The following MYO1G variants were observed in gnomAD, a reference collection of about 807,000 sequenced individuals.
MYO1G encodes the protein unconventional myosin-Ig.
Under a neutral mutation model 115.3 loss-of-function variants are expected in MYO1G, and 65 were observed. The observed-to-expected ratio is 0.56, with a 90% CI of 0.46 to 0.69. The LOEUF (loss-of-function observed/expected upper bound fraction) is 0.69. Ranked by LOEUF, MYO1G falls within the 30% of genes least tolerant of loss-of-function variation. MYO1G has a pLI of 0.00. For missense variants in MYO1G, 1,204 were observed against 1,393.5 expected (o/e 0.86, Z 2.16); for synonymous variants, 510 against 552.6 (o/e 0.92, Z 1.08).
At chr7:44,972,436 C>G in intron 5 of MYO1G, 1 of 545,670 alleles carries the variant, frequency 1.8e-6, no homozygotes, top group Non-Finnish European at 3.3e-6. Flanking sequence ...TCAGTGGGAG[C>G]TATGACTCCA....
At position 44,966,290 on chromosome 7, in the gene MYO1G, C is replaced by G. The variant is rs1333681994; in HGVS notation, c.1950-10G>C. 3.1e-6 allele frequency: 5 copies of G among 1,588,346 alleles called. No homozygotes were observed. In the African/African-American group the frequency reaches 4.0e-5, roughly 13 times the overall value. On this transcript the variant is annotated splice_polypyrimidine_tract_variant and intron_variant, in intron 15 of 21. Transcript: ENST00000258787. This position sits in a 1 kb window ranked among gnomAD's most constrained non-coding sequence, Gnocchi z 5.0. ...ACAGGTCATCTTGTACCTGTCACCA[C>G]AGGACAGGGCAGTGTGGCCCAGGCC... is the stretch of plus-strand genomic sequence containing the variant.
Position 44,966,900 on chromosome 7 carries a change from C to T in MYO1G, c.1783-62G>A. 1 of 1,493,988 alleles carries T rather than the reference C, an allele frequency of 6.7e-7. No individual in the cohort carries two copies. The highest frequency in any genetic ancestry group is 1.3e-5 in the South Asian group (1 of 76,298). The allele number at this position is 1,493,988 out of a possible 1,614,324, so 92.5% of individuals were successfully genotyped here. ...CAGCAGCACTGTGCACCCTGCCCCA[C>T]ACCAGGGGCTTCCTAACCCCTCAAG... On this transcript the variant is annotated intron_variant, in intron 14 of 21. Coordinates refer to ENST00000258787, the MANE Select transcript of MYO1G (RefSeq NM_033054.3). The surrounding 1 kb of genome is among the most constrained non-coding windows in gnomAD (Gnocchi z 5.0).
Position 44,975,471 on chromosome 7 carries a change from C to T in MYO1G, c.564+13G>A. On this transcript the variant is annotated intron_variant, in intron 4 of 21. Coordinates refer to ENST00000258787, the MANE Select transcript of MYO1G (RefSeq NM_033054.3). ...GGGCTCCCCATGGAGGTCTCCTCAG[C>T]CCACCTGCCCACCTTCTCCAGTAGG... The T allele has an allele frequency of 1.9e-6, 3 of 1,600,308 alleles. No individual in the cohort carries two copies. The highest frequency in any genetic ancestry group is 1.1e-5 in the South Asian group (1 of 89,030).
In MYO1G at chr7:44,969,857, C is replaced by T. The variant is rs1042764007; in HGVS notation, c.1351G>A (p.Ala451Thr). 21 of 1,608,790 alleles carry T rather than the reference C, an allele frequency of 1.3e-5. No individual in the cohort carries two copies. The highest frequency in any genetic ancestry group is 5.0e-5 in the Admixed American group (3 of 59,626). ...TWQSVEYFNNATIVDLVERPH... is the reference protein window; with the variant it reads ...TWQSVEYFNNTTIVDLVERPH... Reference sequence around the variant, plus strand: ...CGCTCCACCAGATCCACAATGGTGGCGTTGTTGAAATACTCAACCTGGGGC... The same window carrying T: ...CGCTCCACCAGATCCACAATGGTGGTGTTGTTGAAATACTCAACCTGGGGC... The change falls in exon 11 of 22, where the codon GCC becomes ACC. Residue 451 changes from alanine (A) to threonine (T), a missense_variant. By Grantham distance (58) the Ala-to-Thr change is moderately conservative (BLOSUM62 0). Transcript: ENST00000258787. The surrounding 1 kb of genome is among the most constrained non-coding windows in gnomAD (Gnocchi z 5.0).
At chr7:44,967,981 A>C in intron 12 of MYO1G, 23 bp from the exon 13 acceptor site, 1 of 1,610,142 alleles carries the variant, frequency 6.2e-7, no homozygotes, top group Non-Finnish European at 8.5e-7. Flanking sequence ...AGGGCTGGTG[A>C]GGGAGCAGGG....
In MYO1G at chr7:44,962,718, G is replaced by T; in HGVS notation, c.*21C>A. On this transcript the variant is annotated 3_prime_UTR_variant, in exon 22 of 22. Transcript: ENST00000258787. This position sits in a 1 kb window ranked among gnomAD's most constrained non-coding sequence, Gnocchi z 5.3. ...GCGGGGCGGACAATTGGCGGCCTCG[G>T]GGTGCGGCGGGTGCGGGCGCTCAGC... 6.9e-7 allele frequency: 1 copy of T among 1,451,690 alleles called. No homozygotes were observed. The highest frequency in any genetic ancestry group is 1.4e-5 in the South Asian group (1 of 70,232). 89.9% of individuals were successfully genotyped at this position (1,451,690 alleles called of 1,614,324 possible). A position where few individuals can be genotyped will look rare whatever the true frequency, so the allele number is the denominator to read the frequency against.
rs1206411985 is a variant in MYO1G, at chr7:44,966,360, G to C, written c.1950-80C>G. On this transcript the variant is annotated intron_variant, in intron 15 of 21. Coordinates refer to ENST00000258787, the MANE Select transcript of MYO1G (RefSeq NM_033054.3). The surrounding 1 kb of genome is among the most constrained non-coding windows in gnomAD (Gnocchi z 5.0). The stretch of plus-strand genomic sequence containing the variant: ...CCCACCCTGCCCACCCCACACCTGG[G>C]GAGATGGCAGGGATACAGAGTGTGT... The C allele has an allele frequency of 8.0e-6, 10 of 1,255,980 alleles. No individual in the cohort carries two copies. The East Asian group carries it at 2.5e-4, about 32-fold the overall frequency. The allele number at this position is 1,255,980 out of a possible 1,614,324, so 77.8% of individuals were successfully genotyped here. A position where few individuals can be genotyped will look rare whatever the true frequency, so the allele number is the denominator to read the frequency against.
intron 3 of MYO1G, 46 bp from the exon 4 acceptor site, chr7:44,975,695 TG>T (rs1795037224): frequency 1.3e-6 from 2 of 1,516,016 alleles, no homozygotes; most frequent in African/African-American, 1.4e-5. Flanking sequence ...ACTTCCCATC[TG>T]GGGAATGCTG....
At chr7:44,965,323 C>T (rs1383995856) in intron 17 of MYO1G, among the ~76,000 whole-genome samples, 1 of 152,262 alleles carries the variant, frequency 6.6e-6, no homozygotes, top group Non-Finnish European at 1.5e-5. Flanking sequence ...CTGTGCCCCT[C>T]CTTCTGGAGA....
intron 1 of MYO1G, 150 bp downstream of exon 1, chr7:44,978,716 TC>T: frequency 1.5e-6 from 1 of 666,972 alleles, no homozygotes; most frequent in Non-Finnish European, 2.6e-6. Context: ...TTTGAGGCAC[TC>T]ATTTCAGCCC....
rs761605228 is a variant in MYO1G, at chr7:44,970,782, C to T, written c.1072-45G>A. The T allele has an allele frequency of 3.3e-5, 53 of 1,613,378 alleles. 2 individuals carry two copies. In the South Asian group the frequency reaches 5.8e-4, roughly 18 times the overall value. On this transcript the variant is annotated intron_variant, in intron 8 of 21. Coordinates refer to ENST00000258787, the MANE Select transcript of MYO1G (RefSeq NM_033054.3). ...TGCTTCCTGCTGCCTCTGGCCTGGC[C>T]TCCCCCATGAAGGCCTCCTGGGCTT...
At position 44,966,957 on chromosome 7, in the gene MYO1G, G is replaced by T; in HGVS notation, c.1783-119C>A. 8.6e-7 allele frequency: 1 copy of T among 1,164,952 alleles called. No individual in the cohort carries two copies. Among genetic ancestry groups the T allele is most frequent in the Non-Finnish European group, 1.2e-6 (1 of 828,788 alleles). The allele number at this position is 1,164,952 out of a possible 1,614,324, so 72.2% of individuals were successfully genotyped here. A position where few individuals can be genotyped will look rare whatever the true frequency, so the allele number is the denominator to read the frequency against. On this transcript the variant is annotated intron_variant, in intron 14 of 21. Coordinates refer to ENST00000258787, the MANE Select transcript of MYO1G (RefSeq NM_033054.3). This position sits in a 1 kb window ranked among gnomAD's most constrained non-coding sequence, Gnocchi z 5.0. Reference sequence around the variant, plus strand: ...GGCCAGGAGAAGAGTTGGGAACAAAGAAGGGAAATCAGCAGAACAAGGGCC... The same window carrying T: ...GGCCAGGAGAAGAGTTGGGAACAAATAAGGGAAATCAGCAGAACAAGGGCC...
rs1794808532 is a variant in MYO1G, at chr7:44,964,726, G to GCCCTCCTGTCATCCACACCCAC, written c.2526+197_2527-208dup. Reference sequence around the variant, plus strand: ...GACTTCTAGGCTGCATCTGAGCCTGGCCCTCCTGTCATCCACACCCACCCC... The same window carrying GCCCTCCTGTCATCCACACCCAC: ...GACTTCTAGGCTGCATCTGAGCCTGGCCCTCCTGTCATCCACACCCACCCCTCCTGTCATCCACACCCACCCC... On this transcript the variant is annotated intron_variant, in intron 18 of 21. Coordinates refer to ENST00000258787, the MANE Select transcript of MYO1G (RefSeq NM_033054.3). This position sits in a 1 kb window ranked among gnomAD's most constrained non-coding sequence, Gnocchi z 5.1. Among the ~76,000 whole-genome samples, 3 of 152,146 alleles carry GCCCTCCTGTCATCCACACCCAC rather than the reference G, an allele frequency of 2.0e-5. No individual in the cohort carries two copies. Among genetic ancestry groups the GCCCTCCTGTCATCCACACCCAC allele is most frequent in the Non-Finnish European group, 4.4e-5 (3 of 68,002 alleles).
rs1794787341 is a variant in MYO1G, at chr7:44,963,596, C to T, written c.2745+453G>A. The T allele has an allele frequency of 4.9e-6, 1 of 204,782 alleles. No homozygotes were observed. The highest frequency in any genetic ancestry group is 9.8e-6 in the Non-Finnish European group (1 of 102,152). 12.7% of individuals were successfully genotyped at this position (204,782 alleles called of 1,614,324 possible). A position where few individuals can be genotyped will look rare whatever the true frequency, so the allele number is the denominator to read the frequency against. On this transcript the variant is annotated intron_variant, in intron 20 of 21. Transcript: ENST00000258787. The surrounding 1 kb of genome is among the most constrained non-coding windows in gnomAD (Gnocchi z 4.1). ...GAGGTAGCCTGGCCTTGATCCCTAC[C>T]CCCGTCTTGTGGGAAAGAGAATTTA...
At chr7:44,965,914 C>A in intron 16 of MYO1G, 54 bp from the exon 17 acceptor site, 11 of 1,572,602 alleles carry the variant, frequency 7.0e-6, no homozygotes, top group Non-Finnish European at 9.5e-6. Flanking sequence ...AGGCCCTAAC[C>A]CTTAGACCCA....
In MYO1G at chr7:44,967,958, C is replaced by G; in HGVS notation, c.1575G>C (p.Thr525=). The G allele has an allele frequency of 6.2e-7, 1 of 1,613,806 alleles. No individual in the cohort carries two copies. The highest frequency in any genetic ancestry group is 8.5e-7 in the Non-Finnish European group (1 of 1,179,954). Residue 525 remains threonine, a splice_region_variant and synonymous_variant, in exon 13 of 22, where the codon ACG becomes ACC. Transcript: ENST00000258787. ...FRIKHYAGDV[T]YSVEGFIDKN... is the part of the protein sequence containing the mutation. Reference sequence around the variant, plus strand: ...TGTCGATGAAGCCTTCCACGGAGTACCTACCAGAAGCCAGGGCTGGTGAGG... The same window carrying G: ...TGTCGATGAAGCCTTCCACGGAGTAGCTACCAGAAGCCAGGGCTGGTGAGG...
chr7:44,975,169 C>T lies in MYO1G; in HGVS notation c.618+5G>A. On this transcript the variant is annotated splice_donor_5th_base_variant and intron_variant, in intron 5 of 21. Transcript: ENST00000258787. ...TTTCCACCTCCCCTTGCCCTCAGGGCTTACTTGGTAGAAGGCGTGGAAGTT... is the reference window on the plus strand; with the variant it reads ...TTTCCACCTCCCCTTGCCCTCAGGGTTTACTTGGTAGAAGGCGTGGAAGTT... The T allele has an allele frequency of 6.2e-7, 1 of 1,614,034 alleles. No individual in the cohort carries two copies. The highest frequency in any genetic ancestry group is 8.5e-7 in the Non-Finnish European group (1 of 1,179,972).
At position 44,975,226 on chromosome 7, in the gene MYO1G, G is replaced by C. The variant is rs757493511; in HGVS notation, c.566C>G (p.Ser189Cys). ...GHIHSYLLEK[S>C]RVLKQHVGER... ...ACCCACGTGCTGCTTGAGGACCCGA[G>C]ACTGAGGAGAGAGGGGCAGATGGAC... Residue 189 changes from serine to cysteine, a missense_variant and splice_region_variant, in exon 5 of 22, where the codon TCT becomes TGT. Transcript: ENST00000258787. 10 of 1,613,962 alleles carry C rather than the reference G, an allele frequency of 6.2e-6. No individual in the cohort carries two copies. In the African/African-American group the frequency reaches 9.3e-5, roughly 15 times the overall value.
chr7:44,964,445 C>T lies in MYO1G; in HGVS notation c.2601G>A (p.Gly867=), dbSNP rs1265216969. The part of the protein sequence containing the change: ...LKTLQDKDGF[G]AVLFSSHVRK... ...GGACATGGCTTGAAAAGAGCACAGC[C>T]CCGAAGCCATCTTTGTCCTGAAGTG... Residue 867 remains glycine, a synonymous_variant, in exon 19 of 22, where the codon GGG becomes GGA. Coordinates refer to ENST00000258787, the MANE Select transcript of MYO1G (RefSeq NM_033054.3). The surrounding 1 kb of genome is among the most constrained non-coding windows in gnomAD (Gnocchi z 5.1). 2.5e-6 allele frequency: 4 copies of T among 1,613,700 alleles called. No homozygotes were observed. The highest frequency in any genetic ancestry group is 8.5e-7 in the Non-Finnish European group (1 of 1,179,810).
Sources: gnomAD v4.1 joint callset for allele counts (sites outside exome capture counted in the v4.1 genomes callset) on GRCh38, gnomAD v4.1.1 for gene constraint, Gnocchi (gnomAD v3.1) non-coding constraint, MANE v1.5 for transcripts, NCBI Gene and HGNC (gene_info 2026-07-23, HGNC 2026-07-21) for gene names.